Variants in ULBP1 observed in about 807,000 individuals in gnomAD.
ULBP1 encodes the protein UL16 binding protein 1.
Under a neutral mutation model 25.3 loss-of-function variants are expected in ULBP1, and 28 were observed. The ratio of observed to expected loss-of-function variants is 1.10; its 90% CI spans 0.82 to 1.51. The LOEUF (loss-of-function observed/expected upper bound fraction) is 1.51, where lower values mean the gene tolerates loss of function less well. Ranked by LOEUF, ULBP1 falls within the 40% of genes most tolerant of loss-of-function variation. ULBP1 has a pLI of 0.00. For missense variants in ULBP1, 348 were observed against 290.9 expected (o/e 1.20, Z -1.43); for synonymous variants, 129 against 103.0 (o/e 1.25, Z -1.53).
intron 1 of ULBP1, among the ~76,000 whole-genome samples, 165 bp from the exon 2 acceptor site, chr6:149,968,442 G>A (rs1268458437): frequency 1.3e-5 from 2 of 152,212 alleles, no homozygotes; most frequent in Admixed American, 6.5e-5. Context: ...CAAGGGAGAC[G>A]CTCTAGTCAT....
chr6:149,968,236 A>C (rs555080620), intron 1 of ULBP1, among the ~76,000 whole-genome samples: 2 of 151,426 alleles, frequency 1.3e-5, no homozygotes, highest in East Asian at 1.9e-4. Flanking sequence ...GCTCCCACAC[A>C]CTCTCCCACC....
At chr6:149,969,444 T>G in intron 3 of ULBP1, 84 bp downstream of exon 3, 1 of 1,552,010 alleles carries the variant, frequency 6.4e-7, no homozygotes, top group Non-Finnish European at 8.7e-7. Flanking sequence ...TGTGTGTGTG[T>G]GTTTGAGTGA....
At position 149,968,841 on chromosome 6, in the gene ULBP1, A is replaced by G; in HGVS notation, c.320A>G (p.Asp107Gly). The G allele has an allele frequency of 1.2e-6, 2 of 1,614,186 alleles. No individual in the cohort carries two copies. The highest frequency in any genetic ancestry group is 1.7e-6 in the Non-Finnish European group (2 of 1,180,032). Residue 107 changes from aspartate to glycine, a missense_variant, in exon 2 of 5, where the codon GAC becomes GGC. Asp to Gly is a moderately conservative substitution (Grantham distance 94). Transcript: ENST00000229708. ...VVDFLKGQLL[D>G]IQVENLIPIE... ...GATTTCCTTAAAGGGCAACTGCTTG[A>G]CATTCAAGTGGAGAATTTAATACCC... is the stretch of plus-strand genomic sequence containing the variant.
intron 1 of ULBP1, among the ~76,000 whole-genome samples, chr6:149,964,490 TGTCTCCCCGAACATCGTG>T (rs1779160957): frequency 7.4e-6 from 1 of 135,328 alleles, no homozygotes; most frequent in South Asian, 2.4e-4. Flanking sequence ...GGACCGGTGC[TGTCTCCCCGAACATCGTG>T]GTCTCCCCGA....
intron 4 of ULBP1, 106 bp from the exon 5 acceptor site, chr6:149,971,263 T>C: frequency 1.2e-6 from 1 of 800,110 alleles, no homozygotes; most frequent in Non-Finnish European, 1.5e-6. Context: ...ATGTTTCTTA[T>C]TTGTGGGAGA....
Position 149,969,831 on chromosome 6 carries a change from C to T in ULBP1, c.626-185C>T, listed in dbSNP as rs369262813. On this transcript the variant is annotated intron_variant, in intron 3 of 4. Transcript: ENST00000229708. ...TCGCTTCCCTTAGCAGATGTGTGAG[C>T]TCCCTGAGGGCAGGGGACACCCCCT... Among the ~76,000 whole-genome samples, 13 of 152,256 alleles carry T rather than the reference C, an allele frequency of 8.5e-5. No homozygotes were observed. The East Asian group carries it at 2.1e-3, about 25-fold the overall frequency.
Position 149,963,976 on chromosome 6 carries a change from C to G in ULBP1, c.-74C>G, listed in dbSNP as rs1779146984. 6.6e-7 allele frequency: 1 copy of G among 1,524,252 alleles called. No homozygotes were observed. Among genetic ancestry groups the G allele is most frequent in the African/African-American group, 1.4e-5 (1 of 72,648 alleles). 94.4% of individuals were successfully genotyped at this position (1,524,252 alleles called of 1,614,324 possible). A position where few individuals can be genotyped will look rare whatever the true frequency, so the allele number is the denominator to read the frequency against. On this transcript the variant is annotated 5_prime_UTR_variant, in exon 1 of 5. Coordinates refer to ENST00000229708, the MANE Select transcript of ULBP1 (RefSeq NM_025218.4). ...GCGCGCGGCGGGCCGGGCTGGGCAGCTTTATAAACAGCCGTGGTGTGAGCC... is the reference window on the plus strand; with the variant it reads ...GCGCGCGGCGGGCCGGGCTGGGCAGGTTTATAAACAGCCGTGGTGTGAGCC...
At chr6:149,968,487 G>A (rs1779242672) in intron 1 of ULBP1, 120 bp from the exon 2 acceptor site, 7 of 1,344,566 alleles carry the variant, frequency 5.2e-6, no homozygotes, top group East Asian at 2.3e-5. Flanking sequence ...GCTGGGGCAT[G>A]TCTTGGTCTG....
intron 1 of ULBP1, among the ~76,000 whole-genome samples, chr6:149,966,462 C>T (rs868730198): frequency 1.3e-5 from 2 of 152,150 alleles, no homozygotes; most frequent in Non-Finnish European, 2.9e-5. Flanking sequence ...TACTGCGCCC[C>T]TCCTTTGCTG....
In ULBP1 at chr6:149,969,278, C is replaced by T; in HGVS notation, c.543C>T (p.Phe181=). The change falls in exon 3 of 5, where the codon TTC becomes TTT. Residue 181 remains phenylalanine, a synonymous_variant. Coordinates refer to ENST00000229708, the MANE Select transcript of ULBP1 (RefSeq NM_025218.4). ...AGAAGAACAGGGATGTGACCATGTT[C>T]TTCCAGAAGATTTCACTGGGGGATT... The part of the protein sequence containing the change: ...KWEKNRDVTM[F]FQKISLGDCK... The T allele has an allele frequency of 6.2e-7, 1 of 1,614,224 alleles. No individual in the cohort carries two copies. Among genetic ancestry groups the T allele is most frequent in the Non-Finnish European group, 8.5e-7 (1 of 1,180,038 alleles).
chr6:149,966,015 G>A (rs367863620), intron 1 of ULBP1, among the ~76,000 whole-genome samples: 20 of 152,056 alleles, frequency 1.3e-4, no homozygotes, highest in African/African-American at 4.1e-4. Flanking sequence ...CCCTGGGAGC[G>A]CCGGTGAGTA....
In ULBP1 at chr6:149,970,131, G is replaced by C; in HGVS notation, c.*6G>C. The C allele has an allele frequency of 6.3e-7, 1 of 1,597,338 alleles. No homozygotes were observed. The highest frequency in any genetic ancestry group is 8.5e-7 in the Non-Finnish European group (1 of 1,171,602). ...TCATTCTAGCTGGCAGATGAGGAGA[G>C]TTGTTTAGAGTGACAGGTACTGTGG... is the stretch of plus-strand genomic sequence containing the variant. On this transcript the variant is annotated 3_prime_UTR_variant, in exon 4 of 5. Coordinates refer to ENST00000229708, the MANE Select transcript of ULBP1 (RefSeq NM_025218.4).
At chr6:149,965,168 C>T (rs1447044573) in intron 1 of ULBP1, among the ~76,000 whole-genome samples, 2 of 118,802 alleles carry the variant, frequency 1.7e-5, no homozygotes, top group African/African-American at 9.2e-5. Context: ...CAGAACATCG[C>T]GGCCTCCCCG....
chr6:149,967,646 A>T lies in ULBP1; in HGVS notation c.86-961A>T, dbSNP rs1306165018. Among the ~76,000 whole-genome samples the T allele has an allele frequency of 4.6e-5, 7 of 152,290 alleles. No homozygotes were observed. In the East Asian group the frequency reaches 1.4e-3, roughly 29 times the overall value. ...CCTTTGTTCTATGAGCCATGGGCAT[A>T]CATTTTTAAGGCTGAGGTCCCCCAC... On this transcript the variant is annotated intron_variant, in intron 1 of 4. Coordinates refer to ENST00000229708, the MANE Select transcript of ULBP1 (RefSeq NM_025218.4).
At chr6:149,966,167 G>A (rs1562493588) in intron 1 of ULBP1, among the ~76,000 whole-genome samples, 1 of 151,716 alleles carries the variant, frequency 6.6e-6, no homozygotes. Context: ...TTTGGTCCTT[G>A]CTGGCCGTGA....
chr6:149,968,353 G>A (rs541913286), intron 1 of ULBP1, among the ~76,000 whole-genome samples: 24 of 152,246 alleles, frequency 1.6e-4, no homozygotes, highest in African/African-American at 4.8e-4. Context: ...GACTGATGTC[G>A]GCACAGAGCA....
At chr6:149,970,479 C>A (rs1779294876) in intron 4 of ULBP1, among the ~76,000 whole-genome samples, 1 of 152,194 alleles carries the variant, frequency 6.6e-6, no homozygotes, top group Non-Finnish European at 1.5e-5. Flanking sequence ...GAAACTCAGG[C>A]ATGGGCAGTC....
At chr6:149,971,009 C>A (rs1276073453) in intron 4 of ULBP1, among the ~76,000 whole-genome samples, 1 of 152,214 alleles carries the variant, frequency 6.6e-6, no homozygotes. Context: ...TGTCTACAAG[C>A]CCACCCAAGG....
chr6:149,972,921 T>G lies in ULBP1; in HGVS notation c.*1575T>G, dbSNP rs142410158. The G allele has an allele frequency of 3.8e-3, 583 of 152,274 alleles. 2 individuals carry two copies. The highest frequency in any genetic ancestry group is 0.014 in the African/African-American group (562 of 41,546). The allele number at this position is 152,274 out of a possible 1,614,324, so 9.4% of individuals were successfully genotyped here. A position where few individuals can be genotyped will look rare whatever the true frequency, so the allele number is the denominator to read the frequency against. On this transcript the variant is annotated 3_prime_UTR_variant, in exon 5 of 5. Coordinates refer to ENST00000229708, the MANE Select transcript of ULBP1 (RefSeq NM_025218.4). ...GCCACTATGGAAAGCAGTTTGGAGA[T>G]TTCTCCAAGAACTTAAAATAGAACT...
Sources: allele counts gnomAD v4.1 joint callset (sites outside exome capture counted in the v4.1 genomes callset), GRCh38; gene constraint gnomAD v4.1.1; transcripts MANE v1.5; gene names NCBI Gene and HGNC (gene_info 2026-07-23, HGNC 2026-07-21).